The following TMEM223 variants were observed in gnomAD, a reference collection of about 807,000 sequenced individuals.
The protein encoded by TMEM223 is transmembrane protein 223.
TMEM223 carries 14 observed loss-of-function variants against 14.1 expected under a neutral mutation model. The observed-to-expected ratio is 0.99, with a 90% CI of 0.66 to 1.55. The LOEUF is 1.55. Among genes scored for constraint, TMEM223 ranks in the 40% most tolerant of loss-of-function variants. TMEM223 has a pLI of 0.00. For missense variants in TMEM223, 346 were observed against 269.9 expected (o/e 1.28, Z -1.97); for synonymous variants, 145 against 120.5 (o/e 1.20, Z -1.33).
downstream of TMEM223, chr11:62,786,389 G>A (rs2084275672): frequency 6.2e-7 from 1 of 1,613,412 alleles, no homozygotes; most frequent in African/African-American, 1.3e-5. Flanking sequence ...AGCCATTCTG[G>A]TGAGTACCGT....
At chr11:62,789,508 A>G (rs1392059689), downstream of TMEM223, 5 of 1,597,812 alleles carry the variant, frequency 3.1e-6, no homozygotes, top group African/African-American at 6.7e-5. Context: ...TTTTATCCCC[A>G]TCAGTTGCTC....
At chr11:62,775,393 A>C (rs1400164585) in intron 1 of TMEM223, among the ~76,000 whole-genome samples, 1 of 152,224 alleles carries the variant, frequency 6.6e-6, no homozygotes, top group Non-Finnish European at 1.5e-5. Context: ...CAGCCAAATC[A>C]TATCAGTCAT....
exon 3 of TMEM223, chr11:62,772,039 G>A: frequency 2.2e-6 from 1 of 454,804 alleles, no homozygotes; most frequent in East Asian, 7.0e-5. Flanking sequence ...GCAAGGGGTT[G>A]AGTCCTTGCT....
chr11:62,781,769 C>T, intron 1 of TMEM223: 1 of 831,424 alleles, frequency 1.2e-6, no homozygotes, highest in South Asian at 1.5e-5. Context: ...ATTGCTAGAT[C>T]AAAGAATATG....
intron 1 of TMEM223, among the ~76,000 whole-genome samples, chr11:62,779,320 G>A (rs1213612599): frequency 6.6e-6 from 1 of 151,942 alleles, no homozygotes; most frequent in Non-Finnish European, 1.5e-5. Flanking sequence ...TTAGCCTCCC[G>A]AGTAGCTGGG....
chr11:62,791,424 A>T (rs1299480372), intron 1 of TMEM223, among the ~76,000 whole-genome samples: 2 of 151,682 alleles, frequency 1.3e-5, no homozygotes, highest in Non-Finnish European at 2.9e-5. Flanking sequence ...CGCCCAGCTA[A>T]TTTTTTGTAT....
chr11:62,782,307 T>C, intron 1 of TMEM223: 1 of 1,613,976 alleles, frequency 6.2e-7, no homozygotes, highest in Non-Finnish European at 8.5e-7. Context: ...GGGATGGGGC[T>C]GCCCTCCTGC....
At chr11:62,779,976 A>ATATATATATATATATTTTTTTTTTTTT in intron 1 of TMEM223, among the ~76,000 whole-genome samples, 1 of 52,632 alleles carries the variant, frequency 1.9e-5, no homozygotes, top group Non-Finnish European at 3.6e-5. Flanking sequence ...ATATATATAT[A>ATATATATATATATATTTTTTTTTTTTT]TTTTTTTTTT....
At chr11:62,787,193 G>C (rs573279999), downstream of TMEM223, 2 of 1,588,588 alleles carry the variant, frequency 1.3e-6, no homozygotes, top group South Asian at 1.1e-5. Context: ...TACGGGCCTA[G>C]CCCGGCCTCG....
downstream of TMEM223, chr11:62,789,860 G>T: frequency 6.2e-7 from 1 of 1,605,966 alleles, no homozygotes; most frequent in East Asian, 2.2e-5. Flanking sequence ...TCCCACTCCT[G>T]ACGATCCTGT....
intron 1 of TMEM223, chr11:62,778,426 A>C: frequency 5.4e-6 from 8 of 1,470,344 alleles, no homozygotes; most frequent in Non-Finnish European, 7.6e-6. Context: ...GTCTGCGTCT[A>C]ACATGTGTTT....
At chr11:62,789,782 G>A (rs866212287), downstream of TMEM223, 6 of 1,520,298 alleles carry the variant, frequency 3.9e-6, no homozygotes, top group Middle Eastern at 8.8e-4. Context: ...AGGAGCTGAA[G>A]GGGTTGTCAG....
chr11:62,772,486 G>A (rs1487108573), intron 2 of TMEM223, among the ~76,000 whole-genome samples: 3 of 148,432 alleles, frequency 2.0e-5, no homozygotes, highest in Non-Finnish European at 3.0e-5. Flanking sequence ...TCACGCCACT[G>A]TACTCCAGCC....
At chr11:62,777,146 CA>C (rs1236455874) in intron 1 of TMEM223, among the ~76,000 whole-genome samples, 74 of 134,690 alleles carry the variant, frequency 5.5e-4, no homozygotes, top group African/African-American at 1.0e-3. Context: ...GACTCCATGT[CA>C]AAAAAAAAAA....
At chr11:62,789,761 C>G (rs1176756433), downstream of TMEM223, 1 of 1,514,480 alleles carries the variant, frequency 6.6e-7, no homozygotes, top group African/African-American at 1.4e-5. Context: ...TGAGCTTGGC[C>G]TACCAGTGAG....
At chr11:62,787,181 C>T (rs768575307), downstream of TMEM223, 5 of 1,586,808 alleles carry the variant, frequency 3.2e-6, no homozygotes, top group East Asian at 2.3e-5. Flanking sequence ...TTCCCCGCGC[C>T]GTACGGGCCT....
downstream of TMEM223, chr11:62,786,050 C>T (rs2084271750): frequency 3.5e-6 from 2 of 576,096 alleles, no homozygotes; most frequent in South Asian, 2.4e-5. Flanking sequence ...TTTATTGTCT[C>T]CCTTTGTACC....
chr11:62,777,984 T>G, intron 1 of TMEM223: 1 of 1,614,118 alleles, frequency 6.2e-7, no homozygotes, highest in Non-Finnish European at 8.5e-7. Context: ...TCAGGCTGTG[T>G]GTGGTTACGG....
intron 1 of TMEM223, 114 bp downstream of exon 1, chr11:62,791,565 T>A (rs1440545034): frequency 2.3e-6 from 3 of 1,305,854 alleles, no homozygotes; most frequent in Non-Finnish European, 3.1e-6. Flanking sequence ...TTCTGTGGGG[T>A]AAAGCCCGCC....
Sources: gnomAD v4.1 joint callset for allele counts (sites outside exome capture counted in the v4.1 genomes callset) on GRCh38, gnomAD v4.1.1 for gene constraint, MANE v1.5 for transcripts, NCBI Gene and HGNC (gene_info 2026-07-23, HGNC 2026-07-21) for gene names.